Variants in MRTFA observed in about 807,000 individuals in gnomAD.
MRTFA encodes the protein myocardin-related transcription factor A.
Under a neutral mutation model 83.5 loss-of-function variants are expected in MRTFA, and 20 were observed. The ratio of observed to expected loss-of-function variants is 0.24; its 90% CI spans 0.17 to 0.35. MRTFA has a LOEUF of 0.35. Ranked by LOEUF, MRTFA falls within the 10% of genes least tolerant of loss-of-function variation. The probability of loss-of-function intolerance (pLI) is 1.00; values close to 1 mark genes in which losing one functional copy is unlikely to be tolerated. For missense variants in MRTFA, 1,200 were observed against 1,224.7 expected (o/e 0.98, Z 0.30); for synonymous variants, 659 against 541.2 (o/e 1.22, Z -3.02).
In MRTFA at chr22:40,507,223, T is replaced by G. The variant is rs2054594546; in HGVS notation, c.242-43937A>C. Reference sequence around the variant, plus strand: ...AAAAATACAAAAAATTAGCCAGGCGTGGTGGCATGCATCTGCAGTCCCAGC... The same window carrying G: ...AAAAATACAAAAAATTAGCCAGGCGGGGTGGCATGCATCTGCAGTCCCAGC... On this transcript the variant is annotated intron_variant, in intron 3 of 14. Transcript: ENST00000355630. 2.6e-5 allele frequency among the ~76,000 whole-genome samples: 4 copies of G among 151,984 alleles called. No individual in the cohort carries two copies. In the South Asian group the frequency reaches 8.3e-4, roughly 32 times the overall value.
chr22:40,484,425 T>C (rs999992369), intron 3 of MRTFA, among the ~76,000 whole-genome samples: 1 of 152,166 alleles, frequency 6.6e-6, no homozygotes, highest in Non-Finnish European at 1.5e-5. Flanking sequence ...ATCATTATAA[T>C]ACATTAGGAG....
chr22:40,508,142 G>C (rs536025541), intron 3 of MRTFA, among the ~76,000 whole-genome samples: 1 of 152,162 alleles, frequency 6.6e-6, no homozygotes, highest in East Asian at 1.9e-4. Context: ...ATTTGATTAA[G>C]TAAACAACAA....
At chr22:40,622,465 A>G (rs2056534674) in intron 1 of MRTFA, among the ~76,000 whole-genome samples, 1 of 138,038 alleles carries the variant, frequency 7.2e-6, no homozygotes, top group Admixed American at 7.8e-5. Flanking sequence ...TGGGTGACAG[A>G]GCGAGACTCC....
intron 3 of MRTFA, among the ~76,000 whole-genome samples, chr22:40,494,606 A>G (rs2054320491): frequency 1.3e-5 from 2 of 151,896 alleles, no homozygotes; most frequent in Non-Finnish European, 2.9e-5. Context: ...ACTCGAGCCC[A>G]GGGGGCGAAG....
intron 1 of MRTFA, among the ~76,000 whole-genome samples, chr22:40,612,853 G>GGGAGGATCACTTGAGCACA (rs1408909018): frequency 2.0e-5 from 3 of 152,114 alleles, no homozygotes; most frequent in Non-Finnish European, 2.9e-5. Flanking sequence ...AGCCTAAGGT[G>GGGAGGATCACTTGAGCACA]GGAGGATCAC....
At chr22:40,615,286 A>C (rs1255070644) in intron 1 of MRTFA, among the ~76,000 whole-genome samples, 1 of 152,240 alleles carries the variant, frequency 6.6e-6, no homozygotes, top group Non-Finnish European at 1.5e-5. Flanking sequence ...GCTATTGCTG[A>C]AAATCAATTG....
chr22:40,545,068 AAAAG>A (rs1295688200), intron 3 of MRTFA, among the ~76,000 whole-genome samples: 1 of 151,994 alleles, frequency 6.6e-6, no homozygotes, highest in Non-Finnish European at 1.5e-5. Flanking sequence ...TATAATTAGT[AAAAG>A]AAATCACTTT....
intron 3 of MRTFA, among the ~76,000 whole-genome samples, chr22:40,540,776 C>CA (rs11398739): frequency 0.6 from 54,174 of 90,974 alleles, 16,504 homozygotes; most frequent in East Asian, 0.74. Flanking sequence ...GACTCTGTCT[C>CA]AAAAAAAAAA....
intron 3 of MRTFA, among the ~76,000 whole-genome samples, chr22:40,520,786 A>G (rs1207448077): frequency 6.6e-6 from 1 of 152,182 alleles, no homozygotes; most frequent in East Asian, 1.9e-4. Flanking sequence ...TGGATATACC[A>G]TATTTTGTTT....
intron 1 of MRTFA, among the ~76,000 whole-genome samples, chr22:40,616,205 A>G (rs2056447917): frequency 6.6e-6 from 1 of 152,200 alleles, no homozygotes; most frequent in African/African-American, 2.4e-5. Context: ...ATATACTAGA[A>G]CTAACAAGTG....
chr22:40,430,130 C>G (rs1433866398), intron 6 of MRTFA, among the ~76,000 whole-genome samples: 2 of 152,134 alleles, frequency 1.3e-5, no homozygotes, highest in Non-Finnish European at 2.9e-5. Context: ...TTTTTAGTGC[C>G]TTTGTCTGCA....
chr22:40,533,296 C>T (rs1189092526), intron 3 of MRTFA, among the ~76,000 whole-genome samples: 2 of 152,094 alleles, frequency 1.3e-5, no homozygotes, highest in African/African-American at 4.8e-5. Context: ...TAAAACAGTG[C>T]CACAGACAAT....
At chr22:40,523,391 A>T (rs1428698868) in intron 3 of MRTFA, 2 of 152,226 alleles carry the variant, frequency 1.3e-5, no homozygotes, top group African/African-American at 4.8e-5. Context: ...CCCAGCTGGA[A>T]TACCGTGGTG....
At chr22:40,429,833 C>A in intron 6 of MRTFA, 66 bp from the exon 7 acceptor site, 1 of 1,495,018 alleles carries the variant, frequency 6.7e-7, no homozygotes, top group South Asian at 1.3e-5. Context: ...CCCGGGAACT[C>A]CAGAGCAGCT....
intron 2 of MRTFA, among the ~76,000 whole-genome samples, chr22:40,575,889 C>T (rs999206893): frequency 1.3e-5 from 2 of 152,166 alleles, no homozygotes; most frequent in African/African-American, 4.8e-5. Flanking sequence ...TGACATACTA[C>T]ATGAGAAGCA....
chr22:40,479,769 A>G (rs1368056462), intron 3 of MRTFA, among the ~76,000 whole-genome samples: 1 of 152,206 alleles, frequency 6.6e-6, no homozygotes, highest in African/African-American at 2.4e-5. Flanking sequence ...AAAATCTGAA[A>G]GAAATCCAAA....
intron 1 of MRTFA, among the ~76,000 whole-genome samples, chr22:40,612,426 A>C (rs537822601): frequency 1.3e-5 from 2 of 152,330 alleles, no homozygotes; most frequent in Admixed American, 6.5e-5. Context: ...TACAGTACAC[A>C]CATGTGTGGC....
intron 2 of MRTFA, among the ~76,000 whole-genome samples, chr22:40,565,541 G>A (rs1448631996): frequency 1.3e-5 from 2 of 151,788 alleles, no homozygotes; most frequent in African/African-American, 4.8e-5. Context: ...AGCGAGACTC[G>A]ATCCCCACTT....
At chr22:40,523,642 T>A (rs1452394721) in intron 3 of MRTFA, 1 of 152,198 alleles carries the variant, frequency 6.6e-6, no homozygotes, top group Non-Finnish European at 1.5e-5. Flanking sequence ...ACCCGGCAAA[T>A]AATCTTTTTA....
Sources: allele counts gnomAD v4.1 joint callset (sites outside exome capture counted in the v4.1 genomes callset), GRCh38; gene constraint gnomAD v4.1.1; transcripts MANE v1.5; gene names NCBI Gene and HGNC (gene_info 2026-07-23, HGNC 2026-07-21).